The following SGSM3 variants were observed in gnomAD, a reference collection of about 807,000 sequenced individuals.
The protein encoded by SGSM3 is RUN and SH3 containing 3.
In SGSM3, 96 loss-of-function variants were observed where a neutral mutation model predicts 100.5. The ratio of observed to expected loss-of-function variants is 0.96; its 90% CI spans 0.81 to 1.13. SGSM3 has a LOEUF of 1.13. SGSM3 is among the 50% of genes most tolerant of loss of function. The pLI, the probability that SGSM3 is intolerant of heterozygous loss-of-function variation, is 0.00. For synonymous variants in SGSM3, 483 were observed against 422.8 expected, an observed-to-expected ratio of 1.14 and a Z score of -1.75; for missense variants, 1,001 against 1,015.8, an observed-to-expected ratio of 0.99 and a Z score of 0.20.
At chr22:40,403,348 C>T (rs907158298) in intron 4 of SGSM3, among the ~76,000 whole-genome samples, 1 of 152,208 alleles carries the variant, frequency 6.6e-6, no homozygotes, top group Non-Finnish European at 1.5e-5. Flanking sequence ...TGACCTCATT[C>T]ATTCAACAGA....
At chr22:40,408,461 C>A (rs773470742) in intron 16 of SGSM3, 32 bp downstream of exon 16, 1 of 1,612,340 alleles carries the variant, frequency 6.2e-7, no homozygotes, top group Admixed American at 1.7e-5. Context: ...TGACCCCCAC[C>A]CTGCACCAGC....
chr22:40,406,911 G>A (rs1395516992), intron 10 of SGSM3, 106 bp from the exon 11 acceptor site: 22 of 1,174,588 alleles, frequency 1.9e-5, no homozygotes, highest in Non-Finnish European at 2.6e-5. Flanking sequence ...TCAATTCTTG[G>A]AGCCAGCGTC....
Position 40,410,078 on chromosome 22 carries a change from TTATAAA to T in SGSM3, c.*322_*327del. On this transcript the variant is annotated 3_prime_UTR_variant, in exon 22 of 22. Transcript: ENST00000248929. ...CTAGTAGGCTCCTGGCCTCTTTGGT[TTATAAA>T]TAAACTGTGTCTGTCTTTGAGAAAG... The T allele has an allele frequency of 1.5e-5, 18 of 1,239,508 alleles. No homozygotes were observed. Among genetic ancestry groups the T allele is most frequent in the Non-Finnish European group, 1.8e-5 (18 of 991,612 alleles). 76.8% of individuals were successfully genotyped at this position (1,239,508 alleles called of 1,614,324 possible).
At chr22:40,379,944 C>G (rs1468927938) in intron 1 of SGSM3, among the ~76,000 whole-genome samples, 2 of 152,124 alleles carry the variant, frequency 1.3e-5, no homozygotes, top group Admixed American at 6.5e-5. Flanking sequence ...CTCCTGGGCT[C>G]AAGTGATCCA....
intron 1 of SGSM3, among the ~76,000 whole-genome samples, chr22:40,378,534 A>G (rs562570521): frequency 6.6e-6 from 1 of 151,924 alleles, no homozygotes; most frequent in East Asian, 1.9e-4. Flanking sequence ...TTCGAGACCA[A>G]CCTGGCCTAC....
chr22:40,410,005 TG>T lies in SGSM3; in HGVS notation c.*251del. 7.5e-7 allele frequency: 1 copy of T among 1,333,558 alleles called. No homozygotes were observed. The highest frequency in any genetic ancestry group is 9.5e-7 in the Non-Finnish European group (1 of 1,048,118). 82.6% of individuals were successfully genotyped at this position (1,333,558 alleles called of 1,614,324 possible). On this transcript the variant is annotated 3_prime_UTR_variant, in exon 22 of 22. Coordinates refer to ENST00000248929, the MANE Select transcript of SGSM3 (RefSeq NM_015705.6). ...TTGTACCAAAAACCTTGTGAGGAGG[TG>T]GGGGAGCCATGTCTGTGCTCAGGAA...
chr22:40,372,187 C>G (rs542288539), intron 1 of SGSM3, among the ~76,000 whole-genome samples: 1 of 121,852 alleles, frequency 8.2e-6, no homozygotes, highest in African/African-American at 3.1e-5. Context: ...AGTGCAGTGG[C>G]GCGATCTCGG....
chr22:40,409,093 A>G, intron 19 of SGSM3, 75 bp downstream of exon 19: 4 of 1,552,168 alleles, frequency 2.6e-6, no homozygotes, highest in Non-Finnish European at 2.6e-6. Flanking sequence ...GGGTCCTTAC[A>G]GGGAACCCTA....
At position 40,407,085 on chromosome 22, in the gene SGSM3, G is replaced by C. The variant is rs73885702; in HGVS notation, c.1240+14G>C. The C allele has an allele frequency of 3.7e-6, 6 of 1,600,744 alleles. No homozygotes were observed. In the South Asian group the frequency reaches 6.7e-5, roughly 18 times the overall value. ...CTCTGCTCTTCGGTGAGAGCTCTGC[G>C]AGTGCCAGGCAGTGTGGGCATGCGG... is the stretch of plus-strand genomic sequence containing the variant. On this transcript the variant is annotated intron_variant, in intron 11 of 21. Transcript: ENST00000248929. The surrounding 1 kb of genome is among the most constrained non-coding windows in gnomAD (Gnocchi z 4.7).
chr22:40,389,916 G>GAAAAAAAAAAA (rs34606137), intron 1 of SGSM3, among the ~76,000 whole-genome samples: 1 of 104,936 alleles, frequency 9.5e-6, no homozygotes. Flanking sequence ...AAAAAAAAAA[G>GAAAAAAAAAAA]AAAAAAAAAA....
intron 1 of SGSM3, chr22:40,387,486 G>A (rs1203925609): frequency 6.2e-6 from 2 of 324,254 alleles, no homozygotes; most frequent in Non-Finnish European, 1.1e-5. Context: ...CTCCTCTTAG[G>A]TGCCCTAATC....
intron 10 of SGSM3, 111 bp from the exon 11 acceptor site, chr22:40,406,906 T>G: frequency 2.6e-6 from 3 of 1,157,564 alleles, no homozygotes; most frequent in East Asian, 2.6e-5. Context: ...TGTTTTCAAT[T>G]CTTGGAGCCA....
chr22:40,387,066 A>T (rs2048585303), intron 1 of SGSM3, among the ~76,000 whole-genome samples: 3 of 152,144 alleles, frequency 2.0e-5, no homozygotes, highest in Admixed American at 2.0e-4. Context: ...ACTGTCTGCA[A>T]AGTTGATAAC....
rs150175947 is a variant in SGSM3 at position 40,406,172 on chromosome 22, C to T, written c.909C>T (p.Tyr303=). The change falls in exon 9 of 22, where the codon TAC becomes TAT. Residue 303 remains tyrosine, a synonymous_variant. Coordinates refer to ENST00000248929, the MANE Select transcript of SGSM3 (RefSeq NM_015705.6). ...LLLRIWDLFF[Y]EGSRVLFQLT... ...TGCGCATCTGGGACCTGTTTTTCTA[C>T]GAGGGCTCCCGGGTGCTGTTCCAGC... 41 of 1,614,014 alleles carry T rather than the reference C, an allele frequency of 2.5e-5. No individual in the cohort carries two copies. The highest frequency in any genetic ancestry group is 1.3e-4 in the African/African-American group (10 of 74,938).
rs2051185484 is a variant in SGSM3 at position 40,404,538 on chromosome 22, T to C, written c.367-19T>C. 1.2e-6 allele frequency: 2 copies of C among 1,612,456 alleles called. No homozygotes were observed. Among genetic ancestry groups the C allele is most frequent in the Non-Finnish European group, 1.7e-6 (2 of 1,178,812 alleles). ...TGTCACGAGAAAGACTGAGTGCCCT[T>C]GCGGCTCCCTTCCCTCAGCTGTGGA... On this transcript the variant is annotated intron_variant, in intron 5 of 21. Transcript: ENST00000248929.
At chr22:40,374,481 C>G (rs1445883531) in intron 1 of SGSM3, among the ~76,000 whole-genome samples, 1 of 152,202 alleles carries the variant, frequency 6.6e-6, no homozygotes, top group African/African-American at 2.4e-5. Flanking sequence ...GCTACAATTT[C>G]TTCTTTGTAA....
chr22:40,394,124 A>G, intron 1 of SGSM3, among the ~76,000 whole-genome samples: 1 of 152,220 alleles, frequency 6.6e-6, no homozygotes, highest in East Asian at 1.9e-4. Flanking sequence ...TGGCAATGAC[A>G]TCTAGTTCTG....
rs2052375382 is a variant in SGSM3, at chr22:40,409,948, G to A, written c.*189G>A. 6.4e-6 allele frequency: 9 copies of A among 1,397,760 alleles called. No individual in the cohort carries two copies. Among genetic ancestry groups the A allele is most frequent in the Non-Finnish European group, 7.4e-6 (8 of 1,082,410 alleles). The allele number at this position is 1,397,760 out of a possible 1,614,324, so 86.6% of individuals were successfully genotyped here. A position where few individuals can be genotyped will look rare whatever the true frequency, so the allele number is the denominator to read the frequency against. ...GCAGAGGGTACCCTGCCCCACCAGGGTCCTTAGGGATGCTCTAGGCCAAAC... is the reference window on the plus strand; with the variant it reads ...GCAGAGGGTACCCTGCCCCACCAGGATCCTTAGGGATGCTCTAGGCCAAAC... On this transcript the variant is annotated 3_prime_UTR_variant, in exon 22 of 22. Transcript: ENST00000248929.
At chr22:40,409,082 G>C (rs2052157537) in intron 19 of SGSM3, 64 bp downstream of exon 19, 2 of 1,551,822 alleles carry the variant, frequency 1.3e-6, no homozygotes, top group South Asian at 2.3e-5. Context: ...AGCATCAGGG[G>C]GGGTCCTTAC....
Sources: gnomAD v4.1 joint callset for allele counts (sites outside exome capture counted in the v4.1 genomes callset) on GRCh38, gnomAD v4.1.1 for gene constraint, Gnocchi (gnomAD v3.1) non-coding constraint, MANE v1.5 for transcripts, NCBI Gene and HGNC (gene_info 2026-07-23, HGNC 2026-07-21) for gene names.